SYNE1: variants seen among roughly 807,000 people sequenced by gnomAD.
SYNE1 encodes spectrin repeat containing nuclear envelope protein 1.
A neutral mutation model predicts 1,111.0 loss-of-function variants in SYNE1; 616 were observed. The ratio of observed to expected loss-of-function variants is 0.55; its 90% CI spans 0.52 to 0.59. SYNE1 has a LOEUF of 0.59. SYNE1 is among the 20% of genes least tolerant of loss of function. The pLI is 0.00. For synonymous variants in SYNE1, 3,855 were observed against 3,825.8 expected (o/e 1.01, Z -0.28); for missense variants, 10,006 against 10,417.0 (o/e 0.96, Z 1.72).
At chr6:152,186,225 A>C (rs942093786) in intron 128 of SYNE1, among the ~76,000 whole-genome samples, 2 of 152,168 alleles carry the variant, frequency 1.3e-5, no homozygotes, top group Non-Finnish European at 2.9e-5. Flanking sequence ...AAGTGACATC[A>C]CAGGAGTTGT....
At chr6:152,338,378 T>G (rs2096453939) in intron 75 of SYNE1, among the ~76,000 whole-genome samples, 1 of 152,134 alleles carries the variant, frequency 6.6e-6, no homozygotes, top group Admixed American at 6.5e-5. Context: ...TCCCAGCACT[T>G]TGGTAGGCCA....
At chr6:152,265,068 T>C (rs913913279) in intron 100 of SYNE1, among the ~76,000 whole-genome samples, 3 of 151,744 alleles carry the variant, frequency 2.0e-5, no homozygotes, top group Admixed American at 1.3e-4. Context: ...TAGCCAAGCA[T>C]AGTGGTGGGC....
chr6:152,358,261 G>A (rs558366779), intron 66 of SYNE1, 112 bp downstream of exon 66: 2 of 1,392,914 alleles, frequency 1.4e-6, no homozygotes, highest in African/African-American at 2.8e-5. Context: ...TGCACTTAAT[G>A]TGTATCAACT....
chr6:152,410,549 A>T (rs111516488), intron 42 of SYNE1, among the ~76,000 whole-genome samples: 308 of 152,320 alleles, frequency 2.0e-3, no homozygotes, highest in African/African-American at 7.1e-3. Context: ...AGCCTGGCCA[A>T]CAGGGCAAAA....
At chr6:152,316,791 C>T (rs2095735855) in intron 87 of SYNE1, 58 bp downstream of exon 87, 1 of 1,601,036 alleles carries the variant, frequency 6.2e-7, no homozygotes, top group Non-Finnish European at 8.5e-7. Context: ...TGTCAGTCTA[C>T]CCAGTTAAAT....
intron 34 of SYNE1, among the ~76,000 whole-genome samples, chr6:152,432,519 A>C (rs2098438036): frequency 6.6e-6 from 1 of 152,140 alleles, no homozygotes; most frequent in South Asian, 2.1e-4. Context: ...CTGATAAAAT[A>C]AAAATAGACA....
chr6:152,133,164 A>T, intron 143 of SYNE1, 112 bp downstream of exon 143: 1 of 1,031,738 alleles, frequency 9.7e-7, no homozygotes, highest in Non-Finnish European at 1.5e-6. Flanking sequence ...CTGAAAGGAG[A>T]CACTCCATTC....
rs749164483 is a variant in SYNE1, at chr6:152,219,168, C to A, written c.21879G>T (p.Leu7293=). 6.2e-7 allele frequency: 1 copy of A among 1,613,970 alleles called. No homozygotes were observed. Among genetic ancestry groups the A allele is most frequent in the East Asian group, 2.2e-5 (1 of 44,864 alleles). The change falls in exon 120 of 146, where the codon CTG becomes CTT. Residue 7293 remains leucine (L), a synonymous_variant. Transcript: ENST00000367255. ...IQDCNDLLKG[L]GTVKDSLFFL... Reference sequence around the variant, plus strand: ...AAAAGAGGGAATCTTTAACTGTGCCCAGTCCTTTGAGGAGGTCCTAGAAGA... The same window carrying A: ...AAAAGAGGGAATCTTTAACTGTGCCAAGTCCTTTGAGGAGGTCCTAGAAGA...
chr6:152,253,636 G>A (rs569264971), intron 104 of SYNE1, among the ~76,000 whole-genome samples: 37 of 152,070 alleles, frequency 2.4e-4, no homozygotes, highest in African/African-American at 6.7e-4. Context: ...GCAGGATGTC[G>A]CAAAGATTAA....
intron 17 of SYNE1, 21 bp from the exon 18 acceptor site, chr6:152,465,481 T>C: frequency 6.2e-7 from 1 of 1,602,108 alleles, no homozygotes; most frequent in South Asian, 1.1e-5. Flanking sequence ...TAAAACCAAT[T>C]ATAACCCTTA....
chr6:152,352,685 T>A (rs2096763145), intron 69 of SYNE1, among the ~76,000 whole-genome samples: 1 of 152,218 alleles, frequency 6.6e-6, no homozygotes, highest in African/African-American at 2.4e-5. Context: ...ATTACAGGTG[T>A]GAGCCACTGT....
At chr6:152,462,605 A>G in intron 20 of SYNE1, 133 bp downstream of exon 20, 1 of 983,984 alleles carries the variant, frequency 1.0e-6, no homozygotes, top group Non-Finnish European at 1.6e-6. Context: ...ACAGGTGCAA[A>G]TTGGGACATA....
chr6:152,374,774 A>AT, intron 58 of SYNE1, among the ~76,000 whole-genome samples: 1 of 79,030 alleles, frequency 1.3e-5, no homozygotes, highest in East Asian at 4.1e-4. Context: ...CACTTTTCTC[A>AT]AAAATAAATA....
chr6:152,624,488 CTAAG>C (rs1380552784), intron 3 of SYNE1, among the ~76,000 whole-genome samples: 3 of 152,126 alleles, frequency 2.0e-5, no homozygotes, highest in African/African-American at 7.2e-5. Context: ...TTAGTTGTGA[CTAAG>C]TGACTCCGTA....
In SYNE1 at chr6:152,628,317, T is replaced by C. The variant is rs1166222829; in HGVS notation, c.15A>G (p.Arg5=). The C allele has an allele frequency of 6.2e-7, 1 of 1,614,170 alleles. No homozygotes were observed. Among genetic ancestry groups the C allele is most frequent in the Non-Finnish European group, 8.5e-7 (1 of 1,180,040 alleles). ...TATCCCGAGGACACCGGGAGGCCCC[T>C]CTGGAGGTTGCCATGGTCCCTCCGG... The part of the protein sequence containing the change: MATS[R]GASRCPRDIA... Residue 5 remains arginine (R), a synonymous_variant, in exon 3 of 146, where the codon AGA becomes AGG. Transcript: ENST00000367255.
intron 139 of SYNE1, 79 bp downstream of exon 139, chr6:152,141,124 T>C: frequency 6.3e-7 from 1 of 1,599,466 alleles, no homozygotes; most frequent in Non-Finnish European, 8.6e-7. Flanking sequence ...CCAAGCCCCC[T>C]AAGTGGAATT....
chr6:152,626,815 C>A (rs1258630770), intron 3 of SYNE1, among the ~76,000 whole-genome samples: 1 of 152,164 alleles, frequency 6.6e-6, no homozygotes, highest in Non-Finnish European at 1.5e-5. Flanking sequence ...CTCCTAGTTC[C>A]ACCAATATCC....
chr6:152,276,709 G>T (rs886794567), intron 98 of SYNE1, among the ~76,000 whole-genome samples: 6 of 151,958 alleles, frequency 3.9e-5, no homozygotes, highest in African/African-American at 1.5e-4. Context: ...AACCATTATT[G>T]CAGGAGAAAG....
rs1262462412 is a variant in SYNE1, at chr6:152,379,036, C to T, written c.9009+1970G>A. On this transcript the variant is annotated intron_variant, in intron 56 of 145. Coordinates refer to ENST00000367255, the MANE Select transcript of SYNE1 (RefSeq NM_182961.4). Reference sequence around the variant, plus strand: ...CCAACTATTTTACACCATATGGAACCTTTTACTTAAGACAGAACATTGTAA... The same window carrying T: ...CCAACTATTTTACACCATATGGAACTTTTTACTTAAGACAGAACATTGTAA... 2.0e-5 allele frequency among the ~76,000 whole-genome samples: 3 copies of T among 152,110 alleles called. No homozygotes were observed. In the East Asian group the frequency reaches 5.8e-4, roughly 29 times the overall value.
Sources: gnomAD v4.1 joint callset for allele counts (sites outside exome capture counted in the v4.1 genomes callset) on GRCh38, gnomAD v4.1.1 for gene constraint, MANE v1.5 for transcripts, NCBI Gene and HGNC (gene_info 2026-07-23, HGNC 2026-07-21) for gene names.